USP2: variants seen among roughly 807,000 people sequenced by gnomAD.
USP2 encodes the protein ubiquitin specific peptidase 2.
Under a neutral mutation model 72.0 loss-of-function variants are expected in USP2, and 33 were observed. The ratio of observed to expected loss-of-function variants is 0.46; its 90% CI spans 0.35 to 0.61. The LOEUF is 0.61. USP2 is among the 20% of genes least tolerant of loss of function. The pLI is 0.01. For synonymous variants in USP2, 296 were observed against 312.5 expected (o/e 0.95, Z 0.56); for missense variants, 691 against 797.8 (o/e 0.87, Z 1.61).
At chr11:119,360,116 G>A in intron 3 of USP2, 68 bp downstream of exon 3, 1 of 1,573,196 alleles carries the variant, frequency 6.4e-7, no homozygotes, top group Non-Finnish European at 8.7e-7. Context: ...AGGGGACTCT[G>A]GTTATATGGC....
chr11:119,358,614 C>T, intron 7 of USP2, 159 bp downstream of exon 7: 1 of 912,556 alleles, frequency 1.1e-6, no homozygotes, highest in Non-Finnish European at 1.7e-6. Context: ...CCATGCCCGG[C>T]CTGCACAGCA....
chr11:119,372,379 G>T (rs1016311923), intron 2 of USP2, among the ~76,000 whole-genome samples: 46 of 152,248 alleles, frequency 3.0e-4, no homozygotes, highest in African/African-American at 1.1e-3. Context: ...TTGGGGCAAG[G>T]CCTGCAGGAG....
At chr11:119,374,553 GA>G (rs1950975911) in intron 1 of USP2, among the ~76,000 whole-genome samples, 1 of 152,220 alleles carries the variant, frequency 6.6e-6, no homozygotes. Flanking sequence ...GCCAGGACTG[GA>G]ATCCAGGTCT....
At chr11:119,366,585 C>T (rs1003677908) in intron 2 of USP2, among the ~76,000 whole-genome samples, 3 of 151,924 alleles carry the variant, frequency 2.0e-5, no homozygotes, top group African/African-American at 4.8e-5. Context: ...CTGAAACCTC[C>T]TCAAGGGCAG....
chr11:119,370,048 G>A (rs916888108), intron 2 of USP2, among the ~76,000 whole-genome samples: 2 of 152,128 alleles, frequency 1.3e-5, no homozygotes, highest in Non-Finnish European at 2.9e-5. Context: ...GGTGGTACAC[G>A]CCTGTAGTCC....
At chr11:119,358,586 G>A in intron 7 of USP2, 187 bp downstream of exon 7, 1 of 729,510 alleles carries the variant, frequency 1.4e-6, no homozygotes. Context: ...AAAGTGTTGG[G>A]TTTACAGGCA....
intron 2 of USP2, among the ~76,000 whole-genome samples, chr11:119,360,994 G>A (rs1950754798): frequency 6.6e-6 from 1 of 152,284 alleles, no homozygotes; most frequent in East Asian, 1.9e-4. Flanking sequence ...ACTTTGAGGA[G>A]GTTTTGAAAA....
Position 119,373,497 on chromosome 11 carries a change from C to G in USP2, c.-17G>C. On this transcript the variant is annotated 5_prime_UTR_variant, in exon 2 of 13. The change abolishes the stop of an existing upstream ORF in the 5' untranslated region. Coordinates refer to ENST00000260187, the MANE Select transcript of USP2 (RefSeq NM_004205.5). ...CTGGGACATCCTTCAGGGTGGCACT[C>G]AGTGGGGACTGGGAGCCTCATGGGC... The G allele has an allele frequency of 1.3e-6, 2 of 1,556,258 alleles. No individual in the cohort carries two copies. Among genetic ancestry groups the G allele is most frequent in the Non-Finnish European group, 1.7e-6 (2 of 1,157,708 alleles).
intron 2 of USP2, among the ~76,000 whole-genome samples, 166 bp downstream of exon 2, chr11:119,372,541 C>T (rs1288116491): frequency 6.6e-6 from 1 of 152,196 alleles, no homozygotes; most frequent in African/African-American, 2.4e-5. Flanking sequence ...CCCCTCGGCA[C>T]GGAGCCCCAG....
In USP2 at chr11:119,373,452, C is replaced by T. The variant is rs551604989; in HGVS notation, c.29G>A (p.Arg10His). 18 of 1,594,710 alleles carry T rather than the reference C, an allele frequency of 1.1e-5. No individual in the cohort carries two copies. The highest frequency in any genetic ancestry group is 5.3e-5 in the African/African-American group (4 of 74,974). The change falls in exon 2 of 13, where the codon CGC becomes CAC. Residue 10 changes from arginine (R) to histidine (H), a missense_variant. By Grantham distance (29) the Arg-to-His change is conservative. Transcript: ENST00000260187. MSQLSSTLK[R>H]YTESARYTDA... Reference sequence around the variant, plus strand: ...TGTGTAGCGGGCCGATTCTGTGTAGCGCTTCAGGGTGGAGGAGAGCTGGGA... The same window carrying T: ...TGTGTAGCGGGCCGATTCTGTGTAGTGCTTCAGGGTGGAGGAGAGCTGGGA...
intron 2 of USP2, among the ~76,000 whole-genome samples, chr11:119,369,899 C>G (rs1385714882): frequency 6.6e-6 from 1 of 152,140 alleles, no homozygotes; most frequent in African/African-American, 2.4e-5. Flanking sequence ...TTCTTCTTGG[C>G]CAGGCGTGGT....
At chr11:119,365,479 T>C (rs536049463) in intron 2 of USP2, among the ~76,000 whole-genome samples, 1 of 152,300 alleles carries the variant, frequency 6.6e-6, no homozygotes, top group East Asian at 1.9e-4. Flanking sequence ...ATCTCTACAG[T>C]CACTGTCCTC....
intron 2 of USP2, among the ~76,000 whole-genome samples, chr11:119,361,397 G>T (rs1950762962): frequency 1.3e-5 from 2 of 152,152 alleles, no homozygotes; most frequent in African/African-American, 2.4e-5. Flanking sequence ...AGGCTCAAAG[G>T]GTTAAATAAA....
rs1421722904 is a variant in USP2 at position 119,356,255 on chromosome 11, C to T, written c.*580G>A. 6.6e-6 allele frequency: 1 copy of T among 152,526 alleles called. No individual in the cohort carries two copies. Among genetic ancestry groups the T allele is most frequent in the African/African-American group, 2.4e-5 (1 of 41,336 alleles). 9.4% of individuals were successfully genotyped at this position (152,526 alleles called of 1,614,324 possible). A position where few individuals can be genotyped will look rare whatever the true frequency, so the allele number is the denominator to read the frequency against. ...GAAGGAGAGCACTCCAGTCTGAACA[C>T]TTTAGTTATGGAAATTAAAAAAAAA... On this transcript the variant is annotated 3_prime_UTR_variant, in exon 13 of 13. Coordinates refer to ENST00000260187, the MANE Select transcript of USP2 (RefSeq NM_004205.5).
intron 11 of USP2, 54 bp from the exon 12 acceptor site, chr11:119,357,361 C>A: frequency 1.2e-6 from 2 of 1,610,932 alleles, no homozygotes; most frequent in Non-Finnish European, 1.7e-6. Context: ...CGACTTCCCC[C>A]CTCCAACCTC....
chr11:119,363,875 C>T, intron 2 of USP2: 2 of 1,378,242 alleles, frequency 1.5e-6, no homozygotes, highest in South Asian at 1.5e-5. Context: ...AGGAGCCCCA[C>T]GAAGGTGGAG....
At chr11:119,380,504 A>T (rs1951047597) in intron 1 of USP2, among the ~76,000 whole-genome samples, 1 of 152,108 alleles carries the variant, frequency 6.6e-6, no homozygotes, top group African/African-American at 2.4e-5. Flanking sequence ...GGGCAGGGTC[A>T]CAAGAGGAAG....
chr11:119,358,734 C>A (rs1950713588), intron 7 of USP2, 39 bp downstream of exon 7: 1 of 1,609,974 alleles, frequency 6.2e-7, no homozygotes, highest in Admixed American at 1.7e-5. Context: ...CAAGAGCAGG[C>A]AACAGTGAAA....
At chr11:119,380,072 G>T (rs896210325) in intron 1 of USP2, among the ~76,000 whole-genome samples, 48 of 151,936 alleles carry the variant, frequency 3.2e-4, no homozygotes, top group African/African-American at 1.2e-3. Context: ...CCGCCAGCAC[G>T]CCCGGCTAAT....
Sources: gnomAD v4.1 joint callset for allele counts (sites outside exome capture counted in the v4.1 genomes callset) on GRCh38, gnomAD v4.1.1 for gene constraint, MANE v1.5 for transcripts, NCBI Gene and HGNC (gene_info 2026-07-23, HGNC 2026-07-21) for gene names.